Variants in LRRC4C observed in about 807,000 individuals in gnomAD.
LRRC4C encodes leucine rich repeat containing 4C.
Under a neutral mutation model 33.6 loss-of-function variants are expected in LRRC4C, and 5 were observed. The ratio of observed to expected loss-of-function variants is 0.15; its 90% CI spans 0.08 to 0.31. The LOEUF (loss-of-function observed/expected upper bound fraction) is 0.31, where lower values mean the gene tolerates loss of function less well. Ranked by LOEUF, LRRC4C falls within the 10% of genes least tolerant of loss-of-function variation. The pLI is 1.00. For synonymous variants in LRRC4C, 329 were observed against 302.0 expected (o/e 1.09, Z -0.93); for missense variants, 560 against 796.7 (o/e 0.70, Z 3.58).
At chr11:41,138,428 C>G (rs776826368) in intron 1 of LRRC4C, among the ~76,000 whole-genome samples, 1 of 152,108 alleles carries the variant, frequency 6.6e-6, no homozygotes, top group Non-Finnish European at 1.5e-5. Context: ...ATGAAGAGGA[C>G]TGATTCAATG....
At chr11:41,050,536 C>T (rs190470990) in intron 1 of LRRC4C, among the ~76,000 whole-genome samples, 2 of 151,950 alleles carry the variant, frequency 1.3e-5, no homozygotes, top group Non-Finnish European at 2.9e-5. Context: ...AGTGAGAACA[C>T]GTGGTGTTTG....
At chr11:40,335,852 C>G (rs183403793) in intron 3 of LRRC4C, among the ~76,000 whole-genome samples, 1 of 152,200 alleles carries the variant, frequency 6.6e-6, no homozygotes, top group Non-Finnish European at 1.5e-5. Context: ...CCCAGATAAA[C>G]TGGATTCGAG....
chr11:40,343,189 G>A (rs1386759441), intron 3 of LRRC4C, among the ~76,000 whole-genome samples: 2 of 152,032 alleles, frequency 1.3e-5, no homozygotes, highest in African/African-American at 2.4e-5. Context: ...CATATACTTT[G>A]ACATGTTTGC....
At chr11:40,934,931 G>T (rs1957803623) in intron 1 of LRRC4C, among the ~76,000 whole-genome samples, 1 of 152,054 alleles carries the variant, frequency 6.6e-6, no homozygotes, top group Non-Finnish European at 1.5e-5. Flanking sequence ...CCTCAGGTCA[G>T]AACAACATCC....
chr11:41,081,409 CTCACCCAGCAGTCT>C (rs1247914263), intron 1 of LRRC4C, among the ~76,000 whole-genome samples: 2 of 152,198 alleles, frequency 1.3e-5, no homozygotes, highest in Non-Finnish European at 2.9e-5. Context: ...GCAGTGAATT[CTCACCCAGCAGTCT>C]TCACCTCATA....
intron 4 of LRRC4C, among the ~76,000 whole-genome samples, chr11:40,290,088 C>T (rs1267581822): frequency 6.6e-6 from 1 of 151,888 alleles, no homozygotes; most frequent in Admixed American, 6.6e-5. Context: ...ATTGGCAGAC[C>T]CAACCTAGTT....
At chr11:40,530,794 G>C (rs905118155) in intron 3 of LRRC4C, among the ~76,000 whole-genome samples, 3 of 152,022 alleles carry the variant, frequency 2.0e-5, no homozygotes, top group Admixed American at 1.3e-4. Context: ...GAAGAAATAG[G>C]GAAATTTACC....
chr11:41,416,251 G>C (rs543884530), intron 1 of LRRC4C, among the ~76,000 whole-genome samples: 5 of 151,974 alleles, frequency 3.3e-5, no homozygotes, highest in Non-Finnish European at 5.9e-5. Flanking sequence ...ACTTCCCACC[G>C]TTTTACATGG....
At chr11:41,344,247 G>A (rs918851686) in intron 1 of LRRC4C, among the ~76,000 whole-genome samples, 6 of 113,668 alleles carry the variant, frequency 5.3e-5, no homozygotes, top group Admixed American at 2.1e-4. Flanking sequence ...TTTTTTTTGC[G>A]ATGGAGTCTT....
At chr11:40,546,503 G>A (rs74591243) in intron 3 of LRRC4C, among the ~76,000 whole-genome samples, 13,545 of 152,036 alleles carry the variant, frequency 0.089, 1,729 homozygotes, top group African/African-American at 0.28. Flanking sequence ...ATGCATAGAT[G>A]CACCCTATGG....
At chr11:40,284,667 G>C (rs2136487248) in intron 4 of LRRC4C, among the ~76,000 whole-genome samples, 1 of 152,306 alleles carries the variant, frequency 6.6e-6, no homozygotes, top group South Asian at 2.1e-4. Context: ...GACCAAAGCT[G>C]ACTTTAAGAT....
chr11:40,343,338 C>T (rs1803078549), intron 3 of LRRC4C, among the ~76,000 whole-genome samples: 1 of 133,272 alleles, frequency 7.5e-6, no homozygotes, highest in African/African-American at 2.8e-5. Context: ...AGCACTAAAA[C>T]TTACATATAT....
At chr11:41,420,504 T>C (rs1954838924) in intron 1 of LRRC4C, among the ~76,000 whole-genome samples, 1 of 151,994 alleles carries the variant, frequency 6.6e-6, no homozygotes, top group South Asian at 2.1e-4. Context: ...GAAAGAAAAA[T>C]AGAAAGAACA....
At chr11:41,235,812 G>A (rs1352230) in intron 1 of LRRC4C, among the ~76,000 whole-genome samples, 27,777 of 151,874 alleles carry the variant, frequency 0.18, 3,146 homozygotes, top group East Asian at 0.43. Context: ...GCCTCCCAGG[G>A]GAGTTCTTAC....
chr11:40,797,235 C>T (rs1046940901), intron 2 of LRRC4C, among the ~76,000 whole-genome samples: 4 of 151,984 alleles, frequency 2.6e-5, no homozygotes, highest in African/African-American at 7.3e-5. Flanking sequence ...ACAGATATCT[C>T]TGATTGGGAT....
intron 3 of LRRC4C, among the ~76,000 whole-genome samples, chr11:40,586,497 T>A (rs2135697587): frequency 6.7e-6 from 1 of 149,622 alleles, no homozygotes; most frequent in Middle Eastern, 3.4e-3. Context: ...CATTTGTCAA[T>A]TTTCTCTTTT....
At chr11:40,326,568 A>T (rs1946115543) in intron 3 of LRRC4C, among the ~76,000 whole-genome samples, 1 of 151,028 alleles carries the variant, frequency 6.6e-6, no homozygotes. Context: ...AAAAAAAAAA[A>T]GAAGAAGTCT....
intron 1 of LRRC4C, among the ~76,000 whole-genome samples, chr11:41,232,815 C>T (rs1485508186): frequency 1.3e-5 from 2 of 151,662 alleles, no homozygotes; most frequent in South Asian, 2.1e-4. Context: ...CCAAGTAACA[C>T]ACAGTCAAAT....
At chr11:40,198,651 A>T (rs1249991085) in intron 5 of LRRC4C, among the ~76,000 whole-genome samples, 1 of 152,188 alleles carries the variant, frequency 6.6e-6, no homozygotes, top group Non-Finnish European at 1.5e-5. Flanking sequence ...TAGCATAGGC[A>T]CCCATCCGTG....
Sources: allele counts gnomAD v4.1 joint callset (sites outside exome capture counted in the v4.1 genomes callset), GRCh38; gene constraint gnomAD v4.1.1; transcripts MANE v1.5; gene names NCBI Gene and HGNC (gene_info 2026-07-23, HGNC 2026-07-21).